The following NALCN variants were observed in gnomAD, a reference collection of about 807,000 sequenced individuals.
NALCN encodes sodium leak channel, non-selective.
Under a neutral mutation model 225.3 loss-of-function variants are expected in NALCN, and 111 were observed. That is an observed-to-expected ratio of 0.49 (90% CI 0.42 to 0.58). NALCN has a LOEUF of 0.58. Ranked by LOEUF, NALCN falls within the 20% of genes least tolerant of loss-of-function variation. The pLI is 0.00. For missense variants in NALCN, 1,378 were observed against 2,202.4 expected (o/e 0.63, Z 7.49); for synonymous variants, 764 against 769.0 (o/e 0.99, Z 0.11).
chr13:101,094,678 T>A (rs1047954752), intron 28 of NALCN, among the ~76,000 whole-genome samples: 2 of 152,044 alleles, frequency 1.3e-5, no homozygotes, highest in Non-Finnish European at 2.9e-5. Flanking sequence ...TTGGATATTT[T>A]AAAAAATAAA....
Position 101,089,515 on chromosome 13 carries a change from G to C in NALCN, c.3489+148C>G, listed in dbSNP as rs980938563. 4.1e-5 allele frequency: 27 copies of C among 655,050 alleles called. No homozygotes were observed. In the Middle Eastern group the frequency reaches 2.5e-3, roughly 61 times the overall value. The allele number at this position is 655,050 out of a possible 1,614,324, so 40.6% of individuals were successfully genotyped here. A position where few individuals can be genotyped will look rare whatever the true frequency, so the allele number is the denominator to read the frequency against. On this transcript the variant is annotated intron_variant, in intron 30 of 43. Coordinates refer to ENST00000251127, the MANE Select transcript of NALCN (RefSeq NM_052867.4). This position sits in a 1 kb window ranked among gnomAD's most constrained non-coding sequence, Gnocchi z 4.7. Reference sequence around the variant, plus strand: ...ATGTGTCTGAAAAGCAGCAATGAGGGAGCTTGTAAAACAGTTATAGAGATT... The same window carrying C: ...ATGTGTCTGAAAAGCAGCAATGAGGCAGCTTGTAAAACAGTTATAGAGATT...
At chr13:101,154,452 C>G (rs991163229) in intron 15 of NALCN, among the ~76,000 whole-genome samples, 3 of 152,334 alleles carry the variant, frequency 2.0e-5, no homozygotes, top group Admixed American at 2.0e-4. Context: ...TTAGACACAT[C>G]TTCCAGGACC....
chr13:101,243,095 T>G lies in NALCN; in HGVS notation c.1267-5173A>C, dbSNP rs1299598056. Among the ~76,000 whole-genome samples, 4 of 97,078 alleles carry G rather than the reference T, an allele frequency of 4.1e-5. 1 individual carries two copies. The highest frequency in any genetic ancestry group is 1.5e-4 in the African/African-American group (4 of 27,182). The allele number at this position is 97,078 out of a possible 152,430, so 63.7% of individuals were successfully genotyped here. On this transcript the variant is annotated intron_variant, in intron 11 of 43. Transcript: ENST00000251127. ...CTCTTTCAGTTTGCAGATTTATGTTTTTTTTTTTTTTTCATTTATGTAAGC... is the reference window on the plus strand; with the variant it reads ...CTCTTTCAGTTTGCAGATTTATGTTGTTTTTTTTTTTTCATTTATGTAAGC...
chr13:101,181,180 A>T (rs764880572), intron 14 of NALCN: 2 of 518,866 alleles, frequency 3.9e-6, no homozygotes, highest in South Asian at 2.8e-5. Flanking sequence ...GATTTTGGAA[A>T]AGAGCTGTGA....
At chr13:101,382,960 T>C (rs896712682) in intron 3 of NALCN, among the ~76,000 whole-genome samples, 4 of 152,220 alleles carry the variant, frequency 2.6e-5, no homozygotes, top group African/African-American at 9.6e-5. Flanking sequence ...ATAAGTTTCA[T>C]GTATTACTTT....
At chr13:101,257,787 A>C (rs1052531367) in intron 11 of NALCN, among the ~76,000 whole-genome samples, 1 of 152,218 alleles carries the variant, frequency 6.6e-6, no homozygotes, top group Admixed American at 6.5e-5. Flanking sequence ...ATCTTGGAAA[A>C]TTATTAAAAT....
At chr13:101,235,932 A>T (rs2041537716) in intron 12 of NALCN, among the ~76,000 whole-genome samples, 1 of 152,224 alleles carries the variant, frequency 6.6e-6, no homozygotes, top group Non-Finnish European at 1.5e-5. Context: ...AAATAAAATC[A>T]ATAAAGTTGC....
chr13:101,305,958 G>A (rs528402139), intron 7 of NALCN, among the ~76,000 whole-genome samples: 2 of 152,344 alleles, frequency 1.3e-5, no homozygotes, highest in East Asian at 1.9e-4. Flanking sequence ...AGGTCAGGGA[G>A]AGGGGCTGGT....
intron 7 of NALCN, among the ~76,000 whole-genome samples, chr13:101,333,765 A>G (rs149895001): frequency 1.3e-5 from 2 of 152,320 alleles, no homozygotes; most frequent in African/African-American, 4.8e-5. Context: ...ATTTGATTTC[A>G]TAGAGTGTCC....
intron 15 of NALCN, among the ~76,000 whole-genome samples, chr13:101,155,987 C>T (rs2037881756): frequency 6.6e-6 from 1 of 151,824 alleles, no homozygotes; most frequent in Admixed American, 6.6e-5. Context: ...ATCAGTTGTC[C>T]CTCCTCCTTT....
At chr13:101,343,003 T>A (rs2045606046) in intron 7 of NALCN, among the ~76,000 whole-genome samples, 1 of 152,190 alleles carries the variant, frequency 6.6e-6, no homozygotes, top group Non-Finnish European at 1.5e-5. Context: ...TAACCATAAT[T>A]ACTTACATAT....
intron 18 of NALCN, among the ~76,000 whole-genome samples, chr13:101,113,900 C>T (rs568764817): frequency 6.6e-6 from 1 of 152,286 alleles, no homozygotes; most frequent in Admixed American, 6.5e-5. Context: ...TATCACTCAG[C>T]CTCCCATTCC....
chr13:101,361,199 T>G (rs781362797), intron 6 of NALCN, among the ~76,000 whole-genome samples: 3 of 152,188 alleles, frequency 2.0e-5, no homozygotes, highest in Non-Finnish European at 4.4e-5. Flanking sequence ...GCATACTTAT[T>G]ATGGTTTCTA....
chr13:101,362,665 G>A (rs151290901), intron 6 of NALCN, among the ~76,000 whole-genome samples: 1 of 152,080 alleles, frequency 6.6e-6, no homozygotes, highest in East Asian at 1.9e-4. Flanking sequence ...AAGCCTTTCT[G>A]CTAAGATCTG....
At chr13:101,362,117 AAATATAT>A (rs1452551697) in intron 6 of NALCN, among the ~76,000 whole-genome samples, 1 of 152,020 alleles carries the variant, frequency 6.6e-6, no homozygotes, top group East Asian at 1.9e-4. Context: ...ATAGTACTAA[AAATATAT>A]AATATATCAC....
chr13:101,240,487 T>TAATATAAAAA (rs2041719927), intron 11 of NALCN, among the ~76,000 whole-genome samples: 2 of 152,154 alleles, frequency 1.3e-5, no homozygotes, highest in Admixed American at 1.3e-4. Flanking sequence ...TCTAATATTT[T>TAATATAAAAA]TCATAAAGTC....
chr13:101,208,700 C>T (rs573353349), intron 13 of NALCN, among the ~76,000 whole-genome samples: 32 of 152,246 alleles, frequency 2.1e-4, no homozygotes, highest in Non-Finnish European at 3.7e-4. Flanking sequence ...TCTATGATAA[C>T]GAGTGAGCTC....
intron 15 of NALCN, among the ~76,000 whole-genome samples, chr13:101,152,446 C>T (rs1258956761): frequency 1.3e-5 from 2 of 152,124 alleles, no homozygotes; most frequent in Non-Finnish European, 2.9e-5. Flanking sequence ...CTGAAGTGTG[C>T]ATAAAATGTT....
At chr13:101,274,804 T>C (rs552653957) in intron 10 of NALCN, among the ~76,000 whole-genome samples, 2 of 152,246 alleles carry the variant, frequency 1.3e-5, no homozygotes, top group African/African-American at 2.4e-5. Flanking sequence ...CTTAATAAAC[T>C]TCTCAAGTCC....
Sources: allele counts gnomAD v4.1 joint callset (sites outside exome capture counted in the v4.1 genomes callset), GRCh38; gene constraint gnomAD v4.1.1; non-coding constraint Gnocchi (gnomAD v3.1); transcripts MANE v1.5; gene names NCBI Gene and HGNC (gene_info 2026-07-23, HGNC 2026-07-21).